The following NEDD4 variants were observed in gnomAD, a reference collection of about 807,000 sequenced individuals.
NEDD4 encodes the protein E3 ubiquitin-protein ligase NEDD4.
In NEDD4, 99 loss-of-function variants were observed where a neutral mutation model predicts 144.9. The ratio of observed to expected loss-of-function variants is 0.68; its 90% CI spans 0.58 to 0.81. The LOEUF is 0.81. NEDD4 is among the 30% of genes least tolerant of loss of function. The probability of loss-of-function intolerance (pLI) is 0.00; values close to 1 mark genes in which losing one functional copy is unlikely to be tolerated. For missense variants in NEDD4, 985 were observed against 1,065.9 expected (o/e 0.92, Z 1.06); for synonymous variants, 318 against 350.6 (o/e 0.91, Z 1.04).
chr15:55,890,472 T>C (rs1186721423), intron 5 of NEDD4, among the ~76,000 whole-genome samples: 4 of 152,228 alleles, frequency 2.6e-5, no homozygotes, highest in Non-Finnish European at 5.9e-5. Flanking sequence ...CCTTTATGAC[T>C]GACTTATTTT....
At chr15:55,862,034 C>T (rs117447005) in intron 9 of NEDD4, among the ~76,000 whole-genome samples, 3,156 of 152,166 alleles carry the variant, frequency 0.021, 42 homozygotes, top group Non-Finnish European at 0.032. Context: ...TATGCAACAG[C>T]GCAATTCTAC....
intron 6 of NEDD4, among the ~76,000 whole-genome samples, chr15:55,873,002 TTC>T (rs1449134619): frequency 2.0e-5 from 3 of 152,320 alleles, no homozygotes; most frequent in African/African-American, 4.8e-5. Context: ...GAAGTATTTT[TTC>T]TCTTTCTTTA....
intron 4 of NEDD4, among the ~76,000 whole-genome samples, chr15:55,930,915 T>C (rs933478075): frequency 5.3e-5 from 8 of 152,204 alleles, no homozygotes; most frequent in Non-Finnish European, 1.0e-4. Flanking sequence ...TTATAAATTA[T>C]CCAGTCTTGG....
rs191015982 is a variant in NEDD4, at chr15:55,986,690, C to T, written c.45+6821G>A. ...TTGCAAGCTCTGCCTCCCAGGTTCACGCCATTCTCCGGCCTCAGCCTCCCG... is the reference window on the plus strand; with the variant it reads ...TTGCAAGCTCTGCCTCCCAGGTTCATGCCATTCTCCGGCCTCAGCCTCCCG... On this transcript the variant is annotated intron_variant, in intron 1 of 28. Coordinates refer to ENST00000435532, the MANE Select transcript of NEDD4 (RefSeq NM_006154.4). 1.6e-3 allele frequency among the ~76,000 whole-genome samples: 236 copies of T among 150,326 alleles called. 2 individuals are homozygous for T. The highest frequency in any genetic ancestry group is 3.4e-3 in the African/African-American group (139 of 40,868).
rs756244571 is a variant in NEDD4 at position 55,830,019 on chromosome 15, G to A, written c.2601-20C>T. ...TTAAAACTGAAAGAACAGAGAGGAA[G>A]TGGTTATGAAAGACACTGACAAAGC... On this transcript the variant is annotated intron_variant, in intron 28 of 28. Coordinates refer to ENST00000435532, the MANE Select transcript of NEDD4 (RefSeq NM_006154.4). 23 of 1,580,696 alleles carry A rather than the reference G, an allele frequency of 1.5e-5. No individual in the cohort carries two copies. Among genetic ancestry groups the A allele is most frequent in the Admixed American group, 3.4e-5 (2 of 58,440 alleles).
At position 55,841,862 on chromosome 15, in the gene NEDD4, C is replaced by T. The variant is rs1384630426; in HGVS notation, c.1838+72G>A. 3.8e-6 allele frequency: 5 copies of T among 1,318,150 alleles called. No individual in the cohort carries two copies. The African/African-American group carries it at 4.4e-5, about 11-fold the overall frequency. The allele number at this position is 1,318,150 out of a possible 1,614,324, so 81.7% of individuals were successfully genotyped here. A position where few individuals can be genotyped will look rare whatever the true frequency, so the allele number is the denominator to read the frequency against. On this transcript the variant is annotated intron_variant, in intron 19 of 28. Coordinates refer to ENST00000435532, the MANE Select transcript of NEDD4 (RefSeq NM_006154.4). ...CTGGGATTACAGGCATGAGCCACTG[C>T]ACCCGGCCGACTCTTACTTTTAAAA...
chr15:55,878,682 T>A (rs2035078132), intron 5 of NEDD4, among the ~76,000 whole-genome samples: 1 of 152,218 alleles, frequency 6.6e-6, no homozygotes, highest in Admixed American at 6.5e-5. Context: ...TCATTCATAA[T>A]AGCCTAAACT....
chr15:55,935,525 G>A (rs2036868339), intron 4 of NEDD4, among the ~76,000 whole-genome samples: 1 of 151,974 alleles, frequency 6.6e-6, no homozygotes, highest in African/African-American at 2.4e-5. Context: ...AAAGTCTTCT[G>A]GAAAAAGGTT....
At chr15:55,926,748 A>C (rs1310574071) in intron 4 of NEDD4, among the ~76,000 whole-genome samples, 20 of 152,100 alleles carry the variant, frequency 1.3e-4, no homozygotes. Context: ...CCTAGATAAC[A>C]GAGTGCAAAC....
At chr15:55,888,487 A>G (rs1394990336) in intron 5 of NEDD4, among the ~76,000 whole-genome samples, 2 of 152,222 alleles carry the variant, frequency 1.3e-5, no homozygotes, top group East Asian at 3.8e-4. Flanking sequence ...AGGTATGTTC[A>G]TGGATCAGAA....
intron 7 of NEDD4, among the ~76,000 whole-genome samples, chr15:55,869,889 A>AAATAAATC (rs58734138): frequency 0.21 from 31,577 of 149,842 alleles, 3,666 homozygotes; most frequent in Non-Finnish European, 0.26. Context: ...ATAAATAAAT[A>AAATAAATC]AATAATTGTT....
intron 4 of NEDD4, among the ~76,000 whole-genome samples, chr15:55,929,215 T>C (rs553026308): frequency 6.6e-6 from 1 of 152,318 alleles, no homozygotes; most frequent in East Asian, 1.9e-4. Flanking sequence ...CTCCAGATGG[T>C]ACATGTACAC....
At chr15:55,971,687 G>C (rs1175503637) in intron 1 of NEDD4, among the ~76,000 whole-genome samples, 1 of 149,672 alleles carries the variant, frequency 6.7e-6, no homozygotes, top group African/African-American at 2.4e-5. Flanking sequence ...GGGGTAAAAA[G>C]TTTATTCAGA....
intron 5 of NEDD4, among the ~76,000 whole-genome samples, chr15:55,883,702 C>A (rs1170775580): frequency 7.2e-4 from 100 of 138,440 alleles, no homozygotes; most frequent in African/African-American, 2.7e-3. Context: ...CACAAACACA[C>A]ACACACACAC....
intron 11 of NEDD4, among the ~76,000 whole-genome samples, chr15:55,857,566 GC>G (rs1206187441): frequency 5.9e-5 from 9 of 152,106 alleles, no homozygotes; most frequent in African/African-American, 2.2e-4. Flanking sequence ...CATGTGATCT[GC>G]CTGCCTTGAC....
intron 4 of NEDD4, among the ~76,000 whole-genome samples, chr15:55,939,982 T>C (rs1450651526): frequency 6.6e-6 from 1 of 152,206 alleles, no homozygotes; most frequent in Non-Finnish European, 1.5e-5. Context: ...CATTGAAGGA[T>C]ACATTAAGAA....
rs10718511 is a variant in NEDD4, at chr15:55,951,594, TAAAAA to T, written c.120-10_120-6del. On this transcript the variant is annotated splice_region_variant and splice_polypyrimidine_tract_variant and intron_variant, in intron 2 of 28. Transcript: ENST00000435532. ...GTCACTCTCACGTAAGGATCACTGT[TAAAAA>T]AAAAAAAAAAAAGAAAGAAAAATTT... is the stretch of plus-strand genomic sequence containing the variant. 494 of 1,186,226 alleles carry T rather than the reference TAAAAA, an allele frequency of 4.2e-4. 1 individual carries two copies. The highest frequency in any genetic ancestry group is 6.9e-4 in the Admixed American group (19 of 27,492). 73.5% of individuals were successfully genotyped at this position (1,186,226 alleles called of 1,614,324 possible).
Position 55,887,835 on chromosome 15 carries a change from A to C in NEDD4, c.292-13827T>G, listed in dbSNP as rs1230016900. ...ATGCAAGGATGGTTCAAGATATGCA[A>C]ATTAATGAATGTGATACAACACATC... is the stretch of plus-strand genomic sequence containing the variant. On this transcript the variant is annotated intron_variant, in intron 5 of 28. Coordinates refer to ENST00000435532, the MANE Select transcript of NEDD4 (RefSeq NM_006154.4). Among the ~76,000 whole-genome samples the C allele has an allele frequency of 1.2e-4, 18 of 152,340 alleles. No homozygotes were observed. The East Asian group carries it at 2.9e-3, about 24-fold the overall frequency.
At chr15:55,831,492 G>A (rs1165926217) in intron 27 of NEDD4, among the ~76,000 whole-genome samples, 4 of 152,100 alleles carry the variant, frequency 2.6e-5, no homozygotes, top group African/African-American at 7.2e-5. Context: ...TTCATTTTTC[G>A]CTACTAACTT....
Sources: gnomAD v4.1 joint callset for allele counts (sites outside exome capture counted in the v4.1 genomes callset) on GRCh38, gnomAD v4.1.1 for gene constraint, MANE v1.5 for transcripts, NCBI Gene and HGNC (gene_info 2026-07-23, HGNC 2026-07-21) for gene names.